Variants in CREB3L2 observed in about 807,000 individuals in gnomAD.
The protein encoded by CREB3L2 is cyclic AMP-responsive element-binding protein 3-like protein 2.
CREB3L2 carries 23 observed loss-of-function variants against 57.2 expected under a neutral mutation model. That is an observed-to-expected ratio of 0.40 (90% CI 0.29 to 0.57). The LOEUF (loss-of-function observed/expected upper bound fraction) is 0.57. Among genes scored for constraint, CREB3L2 ranks in the 20% least tolerant of loss-of-function variants. The pLI is 0.42. For synonymous variants in CREB3L2, 268 were observed against 265.1 expected, an observed-to-expected ratio of 1.01 and a Z score of -0.11; for missense variants, 628 against 634.7, an observed-to-expected ratio of 0.99 and a Z score of 0.11.
intron 2 of CREB3L2, among the ~76,000 whole-genome samples, chr7:137,922,374 ATATATATATG>A (rs1240115355): frequency 2.4e-5 from 1 of 42,548 alleles, no homozygotes; most frequent in African/African-American, 1.1e-4. Flanking sequence ...GGTTTACTAT[ATATATATATG>A]TATATATATA....
intron 1 of CREB3L2, among the ~76,000 whole-genome samples, chr7:137,991,724 C>G (rs1458779529): frequency 6.6e-6 from 1 of 151,762 alleles, no homozygotes; most frequent in Non-Finnish European, 1.5e-5. Flanking sequence ...CTGGCCAACA[C>G]AGCGAAACTC....
At chr7:137,970,990 T>A (rs1801495881) in intron 1 of CREB3L2, among the ~76,000 whole-genome samples, 1 of 152,194 alleles carries the variant, frequency 6.6e-6, no homozygotes, top group African/African-American at 2.4e-5. Flanking sequence ...TCCATATTTT[T>A]AAAAAGCTTG....
At chr7:137,893,538 C>A (rs1172973922) in intron 8 of CREB3L2, among the ~76,000 whole-genome samples, 1 of 152,036 alleles carries the variant, frequency 6.6e-6, no homozygotes, top group Non-Finnish European at 1.5e-5. Flanking sequence ...TGAACCCACA[C>A]ACAGAAAACC....
In CREB3L2 at chr7:138,001,872, A is replaced by G. The variant is rs1802085455; in HGVS notation, c.-167T>C. 6.0e-6 allele frequency: 3 copies of G among 496,276 alleles called. No individual in the cohort carries two copies. In the South Asian group the frequency reaches 8.8e-5, roughly 15 times the overall value. 30.7% of individuals were successfully genotyped at this position (496,276 alleles called of 1,614,324 possible). On this transcript the variant is annotated 5_prime_UTR_variant, in exon 1 of 12. Transcript: ENST00000330387. This position sits in a 1 kb window ranked among gnomAD's most constrained non-coding sequence, Gnocchi z 4.2. Reference sequence around the variant, plus strand: ...AAACGTCTGCTCCTCTGCCGGAGAGAGGATGGCCAAGCGCTCCCGTCCGGT... The same window carrying G: ...AAACGTCTGCTCCTCTGCCGGAGAGGGGATGGCCAAGCGCTCCCGTCCGGT...
intron 1 of CREB3L2, among the ~76,000 whole-genome samples, chr7:137,968,209 T>C (rs1419551297): frequency 2.2e-5 from 3 of 138,748 alleles, no homozygotes; most frequent in Non-Finnish European, 4.8e-5. Flanking sequence ...CTAGCTACTC[T>C]TTTTTTTTTT....
At chr7:137,998,336 T>C (rs547165515) in intron 1 of CREB3L2, among the ~76,000 whole-genome samples, 17 of 152,350 alleles carry the variant, frequency 1.1e-4, no homozygotes, top group African/African-American at 3.8e-4. Context: ...CAATCATGCA[T>C]GTAGTAACTA....
In CREB3L2 at chr7:138,001,082, A is replaced by AACACACACACACACACAC. The variant is rs59967148; in HGVS notation, c.102+504_102+521dup. On this transcript the variant is annotated intron_variant, in intron 1 of 11. Coordinates refer to ENST00000330387, the MANE Select transcript of CREB3L2 (RefSeq NM_194071.4). The surrounding 1 kb of genome is among the most constrained non-coding windows in gnomAD (Gnocchi z 4.2). ...CTCCCTAACGTAGAGGAGCCCTTTC[A>AACACACACACACACACAC]ACACACACACACACACACACACACA... Among the ~76,000 whole-genome samples, 52 of 136,812 alleles carry AACACACACACACACACAC rather than the reference A, an allele frequency of 3.8e-4. No individual in the cohort carries two copies. Among genetic ancestry groups the AACACACACACACACACAC allele is most frequent in the East Asian group, 8.8e-4 (4 of 4,536 alleles). 89.8% of individuals were successfully genotyped at this position (136,812 alleles called of 152,430 possible). A position where few individuals can be genotyped will look rare whatever the true frequency, so the allele number is the denominator to read the frequency against.
intron 8 of CREB3L2, 27 bp from the exon 9 acceptor site, chr7:137,885,529 G>T (rs773604709): frequency 6.4e-7 from 1 of 1,559,888 alleles, no homozygotes; most frequent in Non-Finnish European, 8.8e-7. Flanking sequence ...CAGCCGTGAG[G>T]GGAGTCTGAC....
Position 137,882,478 on chromosome 7 carries a change from G to T in CREB3L2, c.1421C>A (p.Pro474His), listed in dbSNP as rs376504453. 1.1e-5 allele frequency: 18 copies of T among 1,613,822 alleles called. No homozygotes were observed. Among genetic ancestry groups the T allele is most frequent in the Non-Finnish European group, 1.5e-5 (18 of 1,179,878 alleles). Reference sequence around the variant, plus strand: ...GGTCTCATTCGAGATAATGAAATGGGGAAGATCCACATCCGGCCTGGACTC... The same window carrying T: ...GGTCTCATTCGAGATAATGAAATGGTGAAGATCCACATCCGGCCTGGACTC... ...GLESRPDVDL[P>H]HFIISNETSL... Residue 474 changes from proline (P) to histidine (H), a missense_variant, in exon 11 of 12, where the codon CCC becomes CAC. Physicochemically the swap from Pro to His is moderately conservative, Grantham distance 77. Transcript: ENST00000330387.
Position 137,879,464 on chromosome 7 carries a change from C to T in CREB3L2, c.*1012G>A. ...ATAGAAAAAGCTTGTGGCCAGGGAG[C>T]CCGGGGCCTGAGTGAGGCATTGTGT... On this transcript the variant is annotated 3_prime_UTR_variant, in exon 12 of 12. Coordinates refer to ENST00000330387, the MANE Select transcript of CREB3L2 (RefSeq NM_194071.4). 5.3e-6 allele frequency: 2 copies of T among 376,564 alleles called. No homozygotes were observed. Among genetic ancestry groups the T allele is most frequent in the Non-Finnish European group, 1.0e-5 (2 of 199,844 alleles). 23.3% of individuals were successfully genotyped at this position (376,564 alleles called of 1,614,324 possible). A position where few individuals can be genotyped will look rare whatever the true frequency, so the allele number is the denominator to read the frequency against.
intron 2 of CREB3L2, among the ~76,000 whole-genome samples, chr7:137,920,977 A>G (rs978552445): frequency 6.6e-5 from 10 of 152,248 alleles, no homozygotes; most frequent in African/African-American, 2.4e-4. Flanking sequence ...AATATGTATC[A>G]CAATGTTTCT....
At chr7:137,956,773 C>CTG in intron 1 of CREB3L2, 1 of 506,710 alleles carries the variant, frequency 2.0e-6, no homozygotes, top group Admixed American at 2.5e-5. Flanking sequence ...CAGCATAAGG[C>CTG]CCCACCTAAA....
intron 1 of CREB3L2, among the ~76,000 whole-genome samples, chr7:137,930,264 C>T (rs2117244021): frequency 6.6e-6 from 1 of 152,344 alleles, no homozygotes; most frequent in South Asian, 2.1e-4. Context: ...TTAACATTCT[C>T]TGAATCACAG....
At position 137,980,064 on chromosome 7, in the gene CREB3L2, G is replaced by A. The variant is rs1183334664; in HGVS notation, c.102+21540C>T. Among the ~76,000 whole-genome samples, 22 of 152,162 alleles carry A rather than the reference G, an allele frequency of 1.4e-4. No homozygotes were observed. The highest frequency in any genetic ancestry group is 1.5e-5 in the Non-Finnish European group (1 of 68,032). On this transcript the variant is annotated intron_variant, in intron 1 of 11. Coordinates refer to ENST00000330387, the MANE Select transcript of CREB3L2 (RefSeq NM_194071.4). The surrounding 1 kb of genome is among the most constrained non-coding windows in gnomAD (Gnocchi z 4.3). ...ATTTTACATGCACATGGATCATCTG[G>A]GGATCTTCAGATTATAATTCAGAAA...
chr7:137,905,732 C>T lies in CREB3L2; in HGVS notation c.885G>A (p.Leu295=), dbSNP rs754041090. 9.9e-6 allele frequency: 16 copies of T among 1,614,060 alleles called. No individual in the cohort carries two copies. The African/African-American group carries it at 2.0e-4, about 20-fold the overall frequency. The change falls in exon 6 of 12, where the codon CTG becomes CTA. Residue 295 remains leucine, a synonymous_variant. Coordinates refer to ENST00000330387, the MANE Select transcript of CREB3L2 (RefSeq NM_194071.4). The part of the protein sequence containing the change: ...LPLSKSEEKA[L]KKIRRKIKNK... ...TCTTGATCTTCCTCCGAATTTTCTTCAGGGCCTTCTCCTCTGATTTTGACA... is the reference window on the plus strand; with the variant it reads ...TCTTGATCTTCCTCCGAATTTTCTTTAGGGCCTTCTCCTCTGATTTTGACA...
At chr7:137,939,816 A>G (rs953994582) in intron 1 of CREB3L2, among the ~76,000 whole-genome samples, 5 of 151,994 alleles carry the variant, frequency 3.3e-5, no homozygotes, top group Admixed American at 2.6e-4. Flanking sequence ...TACCCCCGCA[A>G]TCTTGGATGG....
intron 8 of CREB3L2, 79 bp from the exon 9 acceptor site, chr7:137,885,581 G>A: frequency 2.6e-6 from 3 of 1,142,746 alleles, no homozygotes; most frequent in South Asian, 1.3e-5. Flanking sequence ...GACCCAAGAA[G>A]GCCGCCGTGC....
intron 1 of CREB3L2, among the ~76,000 whole-genome samples, chr7:137,971,950 G>T (rs1005850951): frequency 2.0e-5 from 3 of 150,818 alleles, no homozygotes; most frequent in Non-Finnish European, 2.9e-5. Flanking sequence ...AAAAAATAAT[G>T]GCTAAGTATT....
intron 1 of CREB3L2, among the ~76,000 whole-genome samples, chr7:137,930,042 C>T (rs535156362): frequency 3.3e-5 from 5 of 151,524 alleles, no homozygotes; most frequent in Non-Finnish European, 7.4e-5. Flanking sequence ...TACAGGCACC[C>T]GCCACCACGT....
Sources: allele counts gnomAD v4.1 joint callset (sites outside exome capture counted in the v4.1 genomes callset), GRCh38; gene constraint gnomAD v4.1.1; non-coding constraint Gnocchi (gnomAD v3.1); transcripts MANE v1.5; gene names NCBI Gene and HGNC (gene_info 2026-07-23, HGNC 2026-07-21).